NCOR2: variants seen among roughly 807,000 people sequenced by gnomAD.
NCOR2 encodes nuclear receptor corepressor 2.
Under a neutral mutation model 262.9 loss-of-function variants are expected in NCOR2, and 81 were observed. The ratio of observed to expected loss-of-function variants is 0.31; its 90% CI spans 0.26 to 0.37. The LOEUF is 0.37. NCOR2 is among the 10% of genes least tolerant of loss of function. The pLI is 1.00. For synonymous variants in NCOR2, 1,659 were observed against 1,559.3 expected, an observed-to-expected ratio of 1.06 and a Z score of -1.51; for missense variants, 3,385 against 3,621.4, an observed-to-expected ratio of 0.93 and a Z score of 1.68.
chr12:124,389,143 G>A lies in NCOR2; in HGVS notation c.1877-3256C>T, dbSNP rs1196022975. Among the ~76,000 whole-genome samples the A allele has an allele frequency of 5.9e-5, 9 of 152,372 alleles. No individual in the cohort carries two copies. The highest frequency in any genetic ancestry group is 1.9e-4 in the African/African-American group (8 of 41,594). On this transcript the variant is annotated intron_variant, in intron 16 of 46. Coordinates refer to ENST00000405201, the Ensembl canonical transcript of NCOR2. The surrounding 1 kb of genome is among the most constrained non-coding windows in gnomAD (Gnocchi z 4.4). ...AGGTATCACCGGGGCGCAGCGTGCC[G>A]AGCTCCTCCAGCACCAATGTGCCCA...
chr12:124,402,021 G>C (rs2042011556), intron 14 of NCOR2, among the ~76,000 whole-genome samples: 1 of 152,196 alleles, frequency 6.6e-6, no homozygotes. Context: ...TTCCAGGAGG[G>C]CCTCTGATCC....
At chr12:124,345,152 AC>A (rs2036807790) in intron 31 of NCOR2, among the ~76,000 whole-genome samples, 1 of 152,110 alleles carries the variant, frequency 6.6e-6, no homozygotes, top group Non-Finnish European at 1.5e-5. Context: ...CCTGGGCCTG[AC>A]CCTGGTCCCC....
intron 41 of NCOR2, 98 bp from the exon 44 acceptor site, chr12:124,333,377 G>T: frequency 8.7e-7 from 1 of 1,152,040 alleles, no homozygotes; most frequent in Non-Finnish European, 1.1e-6. Context: ...CGCTTTTCCT[G>T]TACGTGGCCA....
chr12:124,548,483 G>A lies in NCOR2; in HGVS notation c.-164-12872C>T, dbSNP rs951272797. Among the ~76,000 whole-genome samples, 2 of 152,214 alleles carry A rather than the reference G, an allele frequency of 1.3e-5. No homozygotes were observed. Among genetic ancestry groups the A allele is most frequent in the East Asian group, 3.9e-4 (2 of 5,180 alleles). Reference sequence around the variant, plus strand: ...TCCAAGCCAGACGGCGACAGAGTGGGGGTCCATCATGGTGCCTGGTCTGCC... The same window carrying A: ...TCCAAGCCAGACGGCGACAGAGTGGAGGTCCATCATGGTGCCTGGTCTGCC... On this transcript the variant is annotated intron_variant, in intron 1 of 32. Transcript: ENST00000458234. The surrounding 1 kb of genome is among the most constrained non-coding windows in gnomAD (Gnocchi z 5.1).
At chr12:124,352,435 CTG>C (rs10611606) in intron 27 of NCOR2, among the ~76,000 whole-genome samples, 48,614 of 151,516 alleles carry the variant, frequency 0.32, 8,095 homozygotes, top group East Asian at 0.46. Flanking sequence ...GTGCAGAACA[CTG>C]TCATAGTTCA....
chr12:124,557,722 G>T (rs1437094808), intron 1 of NCOR2, among the ~76,000 whole-genome samples: 10 of 152,116 alleles, frequency 6.6e-5, no homozygotes, highest in Admixed American at 6.5e-4. Context: ...GGCAGATGGC[G>T]TGGGTGGGCG....
chr12:124,506,015 C>T (rs1173520836), intron 1 of NCOR2, among the ~76,000 whole-genome samples: 1 of 152,014 alleles, frequency 6.6e-6, no homozygotes, highest in African/African-American at 2.4e-5. Context: ...AGAGGCTCCT[C>T]GGCCACTGGG....
At chr12:124,509,238 G>GGC (rs56314012) in intron 1 of NCOR2, among the ~76,000 whole-genome samples, 1 of 116,422 alleles carries the variant, frequency 8.6e-6, no homozygotes, top group Non-Finnish European at 2.0e-5. Context: ...GCTTTGGTGG[G>GGC]GGGGGGGGGG....
At chr12:124,519,957 T>G (rs1335186133) in intron 1 of NCOR2, among the ~76,000 whole-genome samples, 1 of 152,202 alleles carries the variant, frequency 6.6e-6, no homozygotes, top group African/African-American at 2.4e-5. Context: ...GTCTCCGCTA[T>G]CCACGTGGTA....
chr12:124,343,566 A>G (rs2036640207), intron 32 of NCOR2, among the ~76,000 whole-genome samples: 1 of 152,190 alleles, frequency 6.6e-6, no homozygotes, highest in South Asian at 2.1e-4. Context: ...GAGACAGGTG[A>G]TAAACTAGCA....
chr12:124,438,289 C>G (rs538585007), intron 7 of NCOR2, among the ~76,000 whole-genome samples: 1 of 152,172 alleles, frequency 6.6e-6, no homozygotes, highest in African/African-American at 2.4e-5. Context: ...ACATGCACCC[C>G]GGCAGCCACA....
intron 1 of NCOR2, among the ~76,000 whole-genome samples, chr12:124,494,359 G>A (rs757210166): frequency 3.3e-5 from 5 of 152,292 alleles, no homozygotes; most frequent in South Asian, 4.1e-4. Context: ...TCTGAAAGCC[G>A]CTTGGCAAAC....
At chr12:124,366,334 C>T (rs895821980) in intron 20 of NCOR2, among the ~76,000 whole-genome samples, 1 of 152,168 alleles carries the variant, frequency 6.6e-6, no homozygotes, top group Non-Finnish European at 1.5e-5. Context: ...ACAAGCTAGT[C>T]GCAGAAGGCC....
At chr12:124,437,721 C>G (rs1018586534) in intron 8 of NCOR2, among the ~76,000 whole-genome samples, 1 of 152,064 alleles carries the variant, frequency 6.6e-6, no homozygotes, top group Non-Finnish European at 1.5e-5. Flanking sequence ...GCCATAGAGC[C>G]CCCCCACCCC....
At chr12:124,530,482 A>T (rs1448167768) in intron 1 of NCOR2, among the ~76,000 whole-genome samples, 1 of 152,224 alleles carries the variant, frequency 6.6e-6, no homozygotes, top group Non-Finnish European at 1.5e-5. Context: ...CTTAAGTGGA[A>T]CAGGGAGAGA....
intron 12 of NCOR2, among the ~76,000 whole-genome samples, chr12:124,420,441 A>T (rs903532342): frequency 1.3e-5 from 2 of 151,880 alleles, no homozygotes; most frequent in African/African-American, 4.8e-5. Flanking sequence ...ACAGCCGGGC[A>T]AACTCAAAGC....
chr12:124,402,912 A>C (rs2042060542), intron 13 of NCOR2, among the ~76,000 whole-genome samples: 1 of 152,140 alleles, frequency 6.6e-6, no homozygotes, highest in African/African-American at 2.4e-5. Context: ...TCGCCTTGAC[A>C]ATGGGGGTAT....
At chr12:124,411,497 G>T (rs973247216) in intron 13 of NCOR2, among the ~76,000 whole-genome samples, 1 of 152,200 alleles carries the variant, frequency 6.6e-6, no homozygotes, top group Admixed American at 6.5e-5. Context: ...TCTGCAGAAA[G>T]AGAGGCCCCC....
chr12:124,342,886 G>A (rs545454867), intron 33 of NCOR2, 119 bp downstream of exon 35: 5 of 1,114,600 alleles, frequency 4.5e-6, no homozygotes, highest in Non-Finnish European at 6.3e-6. Context: ...CGAGGCCTCA[G>A]TTTCGCCATC....
Sources: gnomAD v4.1 joint callset for allele counts (sites outside exome capture counted in the v4.1 genomes callset) on GRCh38, gnomAD v4.1.1 for gene constraint, Gnocchi (gnomAD v3.1) non-coding constraint, MANE v1.5 for transcripts, NCBI Gene and HGNC (gene_info 2026-07-23, HGNC 2026-07-21) for gene names.